COMMD1: variants seen among roughly 807,000 people sequenced by gnomAD.
The protein encoded by COMMD1 is copper metabolism domain containing 1.
COMMD1 carries 10 observed loss-of-function variants against 17.2 expected under a neutral mutation model. The ratio of observed to expected loss-of-function variants is 0.58; its 90% CI spans 0.36 to 0.99. COMMD1 has a LOEUF of 0.99. Among genes scored for constraint, COMMD1 ranks in the 50% least tolerant of loss-of-function variants. COMMD1 has a pLI of 0.01. For missense variants in COMMD1, 270 were observed against 231.8 expected, an observed-to-expected ratio of 1.17 and a Z score of -1.07; for synonymous variants, 97 against 91.6, an observed-to-expected ratio of 1.06 and a Z score of -0.34.
chr2:62,004,753 T>G (rs370915374), intron 2 of COMMD1, among the ~76,000 whole-genome samples: 1 of 152,346 alleles, frequency 6.6e-6, no homozygotes, highest in South Asian at 2.1e-4. Flanking sequence ...TTAGTACTTA[T>G]GCCAGCTTCT....
intron 2 of COMMD1, among the ~76,000 whole-genome samples, chr2:62,097,808 C>T (rs916441251): frequency 3.3e-5 from 5 of 152,188 alleles, no homozygotes; most frequent in East Asian, 1.9e-4. Flanking sequence ...GCGCTGGTGT[C>T]GACAAAGGCT....
chr2:61,890,991 G>T (rs1252945407), intron 1 of COMMD1, among the ~76,000 whole-genome samples: 1 of 152,166 alleles, frequency 6.6e-6, no homozygotes, highest in Non-Finnish European at 1.5e-5. Context: ...AAACAAGTGG[G>T]TGATGAGGAA....
chr2:61,983,290 A>G (rs1672006623), intron 1 of COMMD1, among the ~76,000 whole-genome samples: 2 of 151,614 alleles, frequency 1.3e-5, no homozygotes, highest in Non-Finnish European at 2.9e-5. Context: ...CCTGGGTTCA[A>G]GTGATTCTCC....
chr2:61,889,613 C>G (rs186846133), intron 1 of COMMD1, among the ~76,000 whole-genome samples: 5 of 152,094 alleles, frequency 3.3e-5, no homozygotes, highest in Admixed American at 6.6e-5. Flanking sequence ...TGCCCGGCCA[C>G]ATAGACCTGC....
intron 2 of COMMD1, among the ~76,000 whole-genome samples, chr2:62,131,199 T>G (rs1009128179): frequency 1.3e-5 from 2 of 152,224 alleles, no homozygotes; most frequent in African/African-American, 4.8e-5. Flanking sequence ...GAATGGCTAT[T>G]TAAACCGTTG....
intron 1 of COMMD1, among the ~76,000 whole-genome samples, chr2:61,965,762 C>T (rs1334895851): frequency 6.6e-6 from 1 of 151,960 alleles, no homozygotes; most frequent in Non-Finnish European, 1.5e-5. Flanking sequence ...AGTCCAGCTA[C>T]CCTTCTCACA....
chr2:62,117,015 A>G (rs956673604), intron 2 of COMMD1, among the ~76,000 whole-genome samples: 1 of 147,502 alleles, frequency 6.8e-6, no homozygotes, highest in Non-Finnish European at 1.5e-5. Flanking sequence ...AAAAAAAAAA[A>G]TGACAAAGAT....
chr2:62,062,017 A>G (rs1467757942), intron 2 of COMMD1, among the ~76,000 whole-genome samples: 2 of 151,412 alleles, frequency 1.3e-5, no homozygotes, highest in East Asian at 1.9e-4. Context: ...CAAAAAAACC[A>G]TAAAAATTAA....
chr2:62,020,268 G>A (rs565625580), intron 2 of COMMD1, among the ~76,000 whole-genome samples: 2 of 152,202 alleles, frequency 1.3e-5, no homozygotes, highest in Admixed American at 6.5e-5. Context: ...CAAAGGTGTC[G>A]TTACGTCACA....
At chr2:61,969,262 A>G (rs1458573017) in intron 1 of COMMD1, 1 of 153,490 alleles carries the variant, frequency 6.5e-6, no homozygotes, top group African/African-American at 2.4e-5. Flanking sequence ...TCTGCAGGCT[A>G]TAGAAATACA....
chr2:61,921,660 G>A (rs1422795228), intron 1 of COMMD1, among the ~76,000 whole-genome samples: 2 of 151,962 alleles, frequency 1.3e-5, no homozygotes, highest in Non-Finnish European at 2.9e-5. Flanking sequence ...AGCCAGGATG[G>A]TCTCGACCTC....
intron 1 of COMMD1, among the ~76,000 whole-genome samples, chr2:61,986,233 A>G (rs1672101974): frequency 6.6e-6 from 1 of 152,120 alleles, no homozygotes; most frequent in Non-Finnish European, 1.5e-5. Flanking sequence ...TTCCACTGAA[A>G]AGCCTGCTGC....
chr2:61,946,274 A>G (rs1033733795), intron 1 of COMMD1, among the ~76,000 whole-genome samples: 13 of 152,204 alleles, frequency 8.5e-5, no homozygotes, highest in African/African-American at 3.1e-4. Flanking sequence ...AAAAGTTGAA[A>G]AAACAAACCC....
rs529193043 is a variant in COMMD1 at position 61,988,975 on chromosome 2, A to G, written c.181-11726A>G. Among the ~76,000 whole-genome samples, 5 of 152,246 alleles carry G rather than the reference A, an allele frequency of 3.3e-5. No individual in the cohort carries two copies. The South Asian group carries it at 8.3e-4, about 25-fold the overall frequency. The stretch of plus-strand genomic sequence containing the variant: ...AATTGCTGCACTCTCCCTCTCCCAA[A>G]CACACAGATTCTCTCTACTTGGCTG... On this transcript the variant is annotated intron_variant, in intron 1 of 2. Coordinates refer to ENST00000311832, the MANE Select transcript of COMMD1 (RefSeq NM_152516.4).
rs926425342 is a variant in COMMD1 at position 62,023,927 on chromosome 2, G to T, written c.462+22945G>T. On this transcript the variant is annotated intron_variant, in intron 2 of 2. Transcript: ENST00000311832. Reference sequence around the variant, plus strand: ...CTCTACAGTCATTTAAAAAAAATCAGTGTTGTTACAGACCAATATTGGAAA... The same window carrying T: ...CTCTACAGTCATTTAAAAAAAATCATTGTTGTTACAGACCAATATTGGAAA... 2.0e-5 allele frequency among the ~76,000 whole-genome samples: 3 copies of T among 152,168 alleles called. No homozygotes were observed. In the East Asian group the frequency reaches 5.8e-4, roughly 29 times the overall value.
chr2:62,131,861 T>TAC (rs373676350), intron 2 of COMMD1, among the ~76,000 whole-genome samples: 1,658 of 143,932 alleles, frequency 0.012, 40 homozygotes, highest in African/African-American at 0.039. Context: ...CATTTCTAAA[T>TAC]ACACACACAC....
At chr2:62,087,645 G>A (rs188160766) in intron 2 of COMMD1, among the ~76,000 whole-genome samples, 1 of 152,298 alleles carries the variant, frequency 6.6e-6, no homozygotes, top group East Asian at 1.9e-4. Context: ...TACCTGGGAG[G>A]CTGAGTCAAA....
At chr2:62,107,835 T>G (rs868410955) in intron 2 of COMMD1, among the ~76,000 whole-genome samples, 4 of 152,196 alleles carry the variant, frequency 2.6e-5, no homozygotes, top group African/African-American at 9.7e-5. Context: ...ATATAACCCT[T>G]GACAAGATAT....
At chr2:61,925,391 G>T (rs544235883) in intron 1 of COMMD1, among the ~76,000 whole-genome samples, 1 of 152,088 alleles carries the variant, frequency 6.6e-6, no homozygotes, top group African/African-American at 2.4e-5. Context: ...GTTTATATTG[G>T]GGAGGGGAGT....
Sources: allele counts gnomAD v4.1 joint callset (sites outside exome capture counted in the v4.1 genomes callset), GRCh38; gene constraint gnomAD v4.1.1; transcripts MANE v1.5; gene names NCBI Gene and HGNC (gene_info 2026-07-23, HGNC 2026-07-21).